CFAP61: variants seen among roughly 807,000 people sequenced by gnomAD.
CFAP61 encodes cilia- and flagella-associated protein 61.
In CFAP61, 107 loss-of-function variants were observed where a neutral mutation model predicts 135.6. That is an observed-to-expected ratio of 0.79 (90% CI 0.67 to 0.93). CFAP61 has a LOEUF of 0.93. Among genes scored for constraint, CFAP61 ranks in the 40% least tolerant of loss-of-function variants. The pLI is 0.00. For synonymous variants in CFAP61, 575 were observed against 578.5 expected, an observed-to-expected ratio of 0.99 and a Z score of 0.09; for missense variants, 1,507 against 1,556.2, an observed-to-expected ratio of 0.97 and a Z score of 0.53.
intron 22 of CFAP61, 48 bp from the exon 23 acceptor site, chr20:20,288,561 A>C: frequency 6.8e-7 from 1 of 1,462,928 alleles, no homozygotes; most frequent in Non-Finnish European, 9.5e-7. Context: ...TTGGGAAGGT[A>C]AAATGAAGAG....
chr20:20,195,935 G>A (rs1159944694), intron 15 of CFAP61, among the ~76,000 whole-genome samples: 8 of 152,104 alleles, frequency 5.3e-5, no homozygotes, highest in African/African-American at 1.9e-4. Context: ...AAAAAAATTA[G>A]CCAGGCGTGA....
chr20:20,241,570 T>C (rs1283453071), intron 18 of CFAP61, among the ~76,000 whole-genome samples: 1 of 152,214 alleles, frequency 6.6e-6, no homozygotes, highest in African/African-American at 2.4e-5. Flanking sequence ...AATTTATAAA[T>C]CATCTGATCC....
chr20:20,118,853 A>AT (rs199646093), intron 8 of CFAP61, among the ~76,000 whole-genome samples: 14,788 of 144,488 alleles, frequency 0.1, 1,482 homozygotes, highest in East Asian at 0.59. Flanking sequence ...TTGGGGAATA[A>AT]TTTTTTTTTT....
At chr20:20,224,494 AT>A (rs961158203) in intron 17 of CFAP61, among the ~76,000 whole-genome samples, 1 of 151,506 alleles carries the variant, frequency 6.6e-6, no homozygotes, top group African/African-American at 2.4e-5. Context: ...ACTTTAAGGA[AT>A]TTTTTTTTAG....
intron 9 of CFAP61, among the ~76,000 whole-genome samples, chr20:20,151,629 A>G (rs1303352689): frequency 6.6e-6 from 1 of 151,964 alleles, no homozygotes; most frequent in East Asian, 1.9e-4. Context: ...GATTGAGACC[A>G]TCCTGACTAA....
intron 2 of CFAP61, among the ~76,000 whole-genome samples, chr20:20,067,641 CAAAA>C (rs1053635488): frequency 1.5e-4 from 16 of 104,914 alleles, no homozygotes; most frequent in Non-Finnish European, 1.2e-4. Context: ...GACTCCATCT[CAAAA>C]TATATATATA....
intron 18 of CFAP61, among the ~76,000 whole-genome samples, chr20:20,232,574 T>G (rs1215669765): frequency 6.6e-6 from 1 of 152,126 alleles, no homozygotes; most frequent in Non-Finnish European, 1.5e-5. Flanking sequence ...TCCAGAATTA[T>G]GCAGAACAGC....
At chr20:20,232,274 G>A (rs954196727) in intron 18 of CFAP61, among the ~76,000 whole-genome samples, 1 of 152,018 alleles carries the variant, frequency 6.6e-6, no homozygotes, top group African/African-American at 2.4e-5. Flanking sequence ...CTCCCACCAA[G>A]TCTAGCATTG....
At chr20:20,330,120 C>G (rs936582602) in intron 25 of CFAP61, among the ~76,000 whole-genome samples, 1 of 151,918 alleles carries the variant, frequency 6.6e-6, no homozygotes, top group Admixed American at 6.6e-5. Context: ...AAAATTGTAC[C>G]CTTTTTAGTG....
At position 20,199,750 on chromosome 20, in the gene CFAP61, T is replaced by C. The variant is rs377100441; in HGVS notation, c.1798-18T>C. 1.1e-5 allele frequency: 17 copies of C among 1,613,726 alleles called. No individual in the cohort carries two copies. Among genetic ancestry groups the C allele is most frequent in the Non-Finnish European group, 1.4e-5 (17 of 1,179,848 alleles). ...CTCTGACATTCTCTCCCCTAAAATATAGATTGCTGTCTTTCAGTTCCAGAA... is the reference window on the plus strand; with the variant it reads ...CTCTGACATTCTCTCCCCTAAAATACAGATTGCTGTCTTTCAGTTCCAGAA... On this transcript the variant is annotated intron_variant, in intron 16 of 26. Transcript: ENST00000245957.
At chr20:20,337,026 C>T (rs1486593463) in intron 25 of CFAP61, among the ~76,000 whole-genome samples, 1 of 152,212 alleles carries the variant, frequency 6.6e-6, no homozygotes, top group East Asian at 1.9e-4. Flanking sequence ...AACCCTAGGT[C>T]TTCTCCTTCC....
chr20:20,313,173 C>G (rs1464268635), intron 25 of CFAP61, among the ~76,000 whole-genome samples: 2 of 152,190 alleles, frequency 1.3e-5, no homozygotes, highest in South Asian at 2.1e-4. Flanking sequence ...ATGTCACTCT[C>G]TCTCTGTCTC....
chr20:20,333,326 C>T (rs965870039), intron 25 of CFAP61, among the ~76,000 whole-genome samples: 1 of 152,160 alleles, frequency 6.6e-6, no homozygotes, highest in South Asian at 2.1e-4. Context: ...TCATTATCCC[C>T]GTTTTACAGC....
At chr20:20,165,756 C>A (rs1396069408) in intron 11 of CFAP61, among the ~76,000 whole-genome samples, 1 of 152,156 alleles carries the variant, frequency 6.6e-6, no homozygotes, top group African/African-American at 2.4e-5. Context: ...AAACATGTTC[C>A]CAGTCTCCCA....
At chr20:20,228,221 CTTCT>C (rs1395704444) in intron 17 of CFAP61, 24 bp from the exon 18 acceptor site, 4 of 1,585,868 alleles carry the variant, frequency 2.5e-6, no homozygotes, top group Non-Finnish European at 2.6e-6. Flanking sequence ...TCTTTGACTC[CTTCT>C]TTGTCTTCGT....
chr20:20,095,398 C>T (rs1441377346), intron 7 of CFAP61, among the ~76,000 whole-genome samples: 1 of 152,248 alleles, frequency 6.6e-6, no homozygotes, highest in Non-Finnish European at 1.5e-5. Context: ...GTTTGTCTTT[C>T]TGAACAGCCA....
At chr20:20,239,429 CG>C (rs1382497806) in intron 18 of CFAP61, among the ~76,000 whole-genome samples, 1 of 152,070 alleles carries the variant, frequency 6.6e-6, no homozygotes, top group African/African-American at 2.4e-5. Context: ...CAAAGAATGT[CG>C]GGGAAGTTTG....
At chr20:20,125,003 G>T (rs1212338144) in intron 8 of CFAP61, among the ~76,000 whole-genome samples, 1 of 151,722 alleles carries the variant, frequency 6.6e-6, no homozygotes, top group Admixed American at 6.6e-5. Context: ...TAGTTTGTGT[G>T]TATAAAGGTG....
At chr20:20,343,105 C>T (rs1443419933) in intron 26 of CFAP61, among the ~76,000 whole-genome samples, 1 of 152,208 alleles carries the variant, frequency 6.6e-6, no homozygotes, top group Non-Finnish European at 1.5e-5. Flanking sequence ...GATCCGCCCG[C>T]CTCGGCCTCC....
Sources: gnomAD v4.1 joint callset for allele counts (sites outside exome capture counted in the v4.1 genomes callset) on GRCh38, gnomAD v4.1.1 for gene constraint, MANE v1.5 for transcripts, NCBI Gene and HGNC (gene_info 2026-07-23, HGNC 2026-07-21) for gene names.